The following CCDC180 variants were observed in gnomAD, a reference collection of about 807,000 sequenced individuals.
CCDC180 encodes the protein coiled-coil domain-containing protein 180.
In CCDC180, 154 loss-of-function variants were observed where a neutral mutation model predicts 209.2. The ratio of observed to expected loss-of-function variants is 0.74; its 90% CI spans 0.65 to 0.84. The LOEUF (loss-of-function observed/expected upper bound fraction) is 0.84, where lower values mean the gene tolerates loss of function less well. Among genes scored for constraint, CCDC180 ranks in the 40% least tolerant of loss-of-function variants. The pLI is 0.00. For missense variants in CCDC180, 1,874 were observed against 1,997.3 expected (o/e 0.94, Z 1.18); for synonymous variants, 778 against 749.1 (o/e 1.04, Z -0.63).
In CCDC180 at chr9:97,362,282, G is replaced by A; in HGVS notation, c.3743G>A (p.Gly1248Asp). The change falls in exon 28 of 37, where the codon GGC (glycine) becomes GAC (aspartate). Residue 1248 changes from glycine to aspartate, a missense_variant. Gly to Asp is a moderately conservative substitution (Grantham distance 94). Coordinates refer to ENST00000529487, the MANE Select transcript of CCDC180 (RefSeq NM_020893.6). ...GGCGCATGGGCCTGTGGGTCTCGGG[G>A]CAGCAGTGAGGCAGGGGCTGGTGGT... ...GRGAWACGSR[G>D]SSEAGAGGAV... 1 of 1,614,200 alleles carries A rather than the reference G, an allele frequency of 6.2e-7. No individual in the cohort carries two copies.
At chr9:97,370,286 C>T (rs1827043399) in intron 32 of CCDC180, among the ~76,000 whole-genome samples, 1 of 152,142 alleles carries the variant, frequency 6.6e-6, no homozygotes, top group African/African-American at 2.4e-5. Context: ...TCAGTAAACT[C>T]CTTGTTGGCT....
At chr9:97,316,858 G>C (rs1008887421) in intron 8 of CCDC180, among the ~76,000 whole-genome samples, 1 of 152,158 alleles carries the variant, frequency 6.6e-6, no homozygotes, top group African/African-American at 2.4e-5. Flanking sequence ...CTTCAAGGAA[G>C]ACCCTTGTCC....
intron 24 of CCDC180, among the ~76,000 whole-genome samples, chr9:97,357,110 A>G (rs934770668): frequency 6.6e-6 from 1 of 152,258 alleles, no homozygotes; most frequent in South Asian, 2.1e-4. Context: ...TGAGAGGTGC[A>G]CTTGCCAGGA....
In CCDC180 at chr9:97,362,221, C is replaced by T; in HGVS notation, c.3682C>T (p.His1228Tyr). Residue 1228 changes from histidine (H) to tyrosine (Y), a missense_variant, in exon 28 of 37, where the codon CAC becomes TAC. By Grantham distance (83) the His-to-Tyr change is moderately conservative. Transcript: ENST00000529487. ...LQLPNTKWPTHHCDKDPSQTG... is the reference protein window; with the variant it reads ...LQLPNTKWPTYHCDKDPSQTG... ...ACTTCCCAACACAAAATGGCCAACC[C>T]ACCATTGTGACAAAGATCCGTCCCA... 7.4e-6 allele frequency: 12 copies of T among 1,613,586 alleles called. No homozygotes were observed. Among genetic ancestry groups the T allele is most frequent in the Non-Finnish European group, 1.0e-5 (12 of 1,179,614 alleles).
rs141622649 is a variant in CCDC180 at position 97,316,345 on chromosome 9, T to G, written c.796-720T>G. ...GTGCCACCCAGCTAGGAAGTACAGC[T>G]AAATCAAGCCTCAGGCTCCACTGAA... On this transcript the variant is annotated intron_variant, in intron 8 of 36. Transcript: ENST00000529487. Among the ~76,000 whole-genome samples, 684 of 152,326 alleles carry G rather than the reference T, an allele frequency of 4.5e-3. 5 individuals carry two copies. Among genetic ancestry groups the G allele is most frequent in the Middle Eastern group, 0.024 (7 of 292 alleles).
intron 21 of CCDC180, among the ~76,000 whole-genome samples, chr9:97,350,144 A>T (rs1404432688): frequency 1.3e-5 from 2 of 151,854 alleles, no homozygotes; most frequent in Non-Finnish European, 2.9e-5. Context: ...TTTCAGGCCC[A>T]GGTCACCACC....
At chr9:97,374,960 C>A (rs1429040856) in intron 35 of CCDC180, among the ~76,000 whole-genome samples, 1 of 152,196 alleles carries the variant, frequency 6.6e-6, no homozygotes, top group Non-Finnish European at 1.5e-5. Flanking sequence ...GGGACACATT[C>A]TTGGGTCACT....
intron 3 of CCDC180, among the ~76,000 whole-genome samples, chr9:97,311,811 C>G (rs1357065052): frequency 6.6e-6 from 1 of 152,186 alleles, no homozygotes; most frequent in East Asian, 1.9e-4. Context: ...TCAGTTTCCC[C>G]AGGTGGGAAG....
chr9:97,330,559 C>G lies in CCDC180; in HGVS notation c.2066C>G (p.Ser689Cys). The change falls in exon 18 of 37, where the codon TCT becomes TGT. Residue 689 changes from serine (S) to cysteine (C), a missense_variant. Ser to Cys is a moderately radical substitution (Grantham distance 112, BLOSUM62 -1). Transcript: ENST00000529487. ...AAGATGGATGAGTCCAAAGAAGGCT[C>G]TATTCAGGGACTGGAAGAAATGCAG... ...HAKMDESKEGSIQGLEEMQVE... is the reference protein window; with the variant it reads ...HAKMDESKEGCIQGLEEMQVE... 1 of 1,614,124 alleles carries G rather than the reference C, an allele frequency of 6.2e-7. No homozygotes were observed. Among genetic ancestry groups the G allele is most frequent in the Non-Finnish European group, 8.5e-7 (1 of 1,180,030 alleles).
At chr9:97,362,034 A>G in intron 27 of CCDC180, 136 bp downstream of exon 27, 1 of 1,364,912 alleles carries the variant, frequency 7.3e-7, no homozygotes, top group Non-Finnish European at 9.9e-7. Context: ...CCTCAGGCAA[A>G]GGGCTTCCCC....
chr9:97,366,797 G>A lies in CCDC180; in HGVS notation c.4189+97G>A, dbSNP rs1036682348. Reference sequence around the variant, plus strand: ...CCTTGTGGCCTGGATCCTCCCCTCTGGGGGAGGCAGAAGAGCTTCCCTGTG... The same window carrying A: ...CCTTGTGGCCTGGATCCTCCCCTCTAGGGGAGGCAGAAGAGCTTCCCTGTG... On this transcript the variant is annotated intron_variant, in intron 31 of 36. Transcript: ENST00000529487. This position sits in a 1 kb window ranked among gnomAD's most constrained non-coding sequence, Gnocchi z 4.3. 2.0e-5 allele frequency: 26 copies of A among 1,300,456 alleles called. No individual in the cohort carries two copies. In the African/African-American group the frequency reaches 3.1e-4, roughly 16 times the overall value. The allele number at this position is 1,300,456 out of a possible 1,614,324, so 80.6% of individuals were successfully genotyped here. A position where few individuals can be genotyped will look rare whatever the true frequency, so the allele number is the denominator to read the frequency against.
At chr9:97,353,270 T>C (rs1231519152) in intron 22 of CCDC180, among the ~76,000 whole-genome samples, 1 of 152,190 alleles carries the variant, frequency 6.6e-6, no homozygotes, top group African/African-American at 2.4e-5. Context: ...GTGCTGGGAT[T>C]ACAGGTGTGA....
At chr9:97,309,692 C>A (rs1587775350) in intron 3 of CCDC180, 88 bp downstream of exon 3, 18 of 1,126,062 alleles carry the variant, frequency 1.6e-5, no homozygotes, top group East Asian at 1.4e-4. Flanking sequence ...AGATGAGTAG[C>A]CTGTAGGAAT....
chr9:97,356,939 C>T (rs963483773), intron 24 of CCDC180, among the ~76,000 whole-genome samples: 1 of 152,194 alleles, frequency 6.6e-6, no homozygotes, highest in Admixed American at 6.5e-5. Flanking sequence ...TGGCTGTTTG[C>T]TATTTATACC....
intron 8 of CCDC180, among the ~76,000 whole-genome samples, chr9:97,315,662 G>A (rs1833145977): frequency 6.6e-6 from 1 of 152,228 alleles, no homozygotes; most frequent in Admixed American, 6.5e-5. Context: ...TGCTGGAAAA[G>A]GGGCCTCCTG....
chr9:97,367,809 TTAA>T (rs978081414), intron 31 of CCDC180, among the ~76,000 whole-genome samples: 3 of 152,146 alleles, frequency 2.0e-5, no homozygotes, highest in Non-Finnish European at 4.4e-5. Context: ...ACTGCAGATA[TTAA>T]TAACACCCAC....
At chr9:97,323,473 G>A (rs1833422091) in intron 12 of CCDC180, among the ~76,000 whole-genome samples, 1 of 152,160 alleles carries the variant, frequency 6.6e-6, no homozygotes. Context: ...GAACTATTGA[G>A]TCAGAATGTC....
intron 18 of CCDC180, among the ~76,000 whole-genome samples, chr9:97,331,679 G>A (rs1228080356): frequency 6.6e-6 from 1 of 151,644 alleles, no homozygotes; most frequent in Non-Finnish European, 1.5e-5. Flanking sequence ...TTCATATACT[G>A]GTTGGCCACA....
At position 97,324,941 on chromosome 9, in the gene CCDC180, G is replaced by A. The variant is rs1310701819; in HGVS notation, c.1372-78G>A. ...ATACTGTTCAGTCGTTAGAGACAGG[G>A]GGTCCCACAGGTGGGCCCTCTTCTT... On this transcript the variant is annotated intron_variant, in intron 13 of 36. Transcript: ENST00000529487. 5 of 1,369,482 alleles carry A rather than the reference G, an allele frequency of 3.7e-6. No homozygotes were observed. In the East Asian group the frequency reaches 9.3e-5, roughly 25 times the overall value. The allele number at this position is 1,369,482 out of a possible 1,614,324, so 84.8% of individuals were successfully genotyped here.
Sources: allele counts gnomAD v4.1 joint callset (sites outside exome capture counted in the v4.1 genomes callset), GRCh38; gene constraint gnomAD v4.1.1; non-coding constraint Gnocchi (gnomAD v3.1); transcripts MANE v1.5; gene names NCBI Gene and HGNC (gene_info 2026-07-23, HGNC 2026-07-21).